Variants in EPRS1 observed in about 807,000 individuals in gnomAD.
EPRS1 encodes glutamyl-prolyl-tRNA synthetase 1, also known as bifunctional glutamate/proline--tRNA ligase.
Under a neutral mutation model 188.3 loss-of-function variants are expected in EPRS1, and 107 were observed. The ratio of observed to expected loss-of-function variants is 0.57; its 90% CI spans 0.49 to 0.67. The LOEUF is 0.67. EPRS1 is among the 30% of genes least tolerant of loss of function. The probability of loss-of-function intolerance (pLI) is 0.00; values close to 1 mark genes in which losing one functional copy is unlikely to be tolerated. For synonymous variants in EPRS1, 596 were observed against 593.1 expected, an observed-to-expected ratio of 1.00 and a Z score of -0.07; for missense variants, 1,577 against 1,802.2, an observed-to-expected ratio of 0.88 and a Z score of 2.26.
chr1:219,997,183 C>T lies in EPRS1; in HGVS notation c.2341G>A (p.Val781Ile). The change falls in exon 18 of 32, where the codon GTA (valine) becomes ATA (isoleucine). Residue 781 changes from valine to isoleucine, a missense_variant. Around this residue, in one of 3 missense-constraint regions of EPRS1, gnomAD observed 1,278 missense variants for 1,457.4 expected, o/e 0.88. Coordinates refer to ENST00000366923, the MANE Select transcript of EPRS1 (RefSeq NM_004446.3). ...KAPKEDVDAA[V>I]KQLLSLKAEY... The stretch of plus-strand genomic sequence containing the variant: ...GCTTTCAAAGACAAAAGCTGTTTTA[C>T]AGCTGCATCTACATCTTCCTTTGGT... 3 of 1,614,042 alleles carry T rather than the reference C, an allele frequency of 1.9e-6. No individual in the cohort carries two copies. Among genetic ancestry groups the T allele is most frequent in the Non-Finnish European group, 2.5e-6 (3 of 1,179,946 alleles).
chr1:220,021,096 T>C (rs1252268710), intron 9 of EPRS1, among the ~76,000 whole-genome samples: 2 of 151,984 alleles, frequency 1.3e-5, no homozygotes, highest in Non-Finnish European at 2.9e-5. Context: ...TTGGCCAGGC[T>C]GGTCTCAAAC....
chr1:219,987,294 A>C lies in EPRS1; in HGVS notation c.2886T>G (p.Asp962Glu). ...PVSATGAEDK[D>E]KKKKEKENKS... ...TATTTTCTTTTTCTTTCTTCTTCTT[A>C]TCTTTGTCCTCAGCTCCAGTGGCCG... Residue 962 changes from aspartate (D) to glutamate (E), a missense_variant, in exon 20 of 32, where the codon GAT (aspartate) becomes GAG (glutamate). By Grantham distance (45) the Asp-to-Glu change is conservative (BLOSUM62 2). Coordinates refer to ENST00000366923, the MANE Select transcript of EPRS1 (RefSeq NM_004446.3). 6.2e-7 allele frequency: 1 copy of C among 1,613,702 alleles called. No individual in the cohort carries two copies. Among genetic ancestry groups the C allele is most frequent in the Non-Finnish European group, 8.5e-7 (1 of 1,179,914 alleles).
In EPRS1 at chr1:219,973,320, C is replaced by A; in HGVS notation, c.4162G>T (p.Glu1388Ter). 6.2e-7 allele frequency: 1 copy of A among 1,612,426 alleles called. No homozygotes were observed. Among genetic ancestry groups the A allele is most frequent in the Non-Finnish European group, 8.5e-7 (1 of 1,179,660 alleles). ...QFVAVRRDTG[E>*]KLTVAENEAE... is the part of the protein sequence containing the mutation. ...TCATTTTCAGCAACTGTCAGCTTTT[C>A]TCCAGTATCTCGTCTGACGGCTACA... The change falls in exon 29 of 32, where the codon GAA becomes TAA. Residue 1388 changes from glutamate (E) to a stop codon, truncating the protein, a stop_gained. Coordinates refer to ENST00000366923, the MANE Select transcript of EPRS1 (RefSeq NM_004446.3). LOFTEE classifies it high-confidence loss of function.
At chr1:220,040,794 G>A (rs937772056) in intron 1 of EPRS1, among the ~76,000 whole-genome samples, 4 of 151,158 alleles carry the variant, frequency 2.6e-5, no homozygotes, top group Admixed American at 2.6e-4. Context: ...AGGTTGTGGT[G>A]AGCCGAGATT....
chr1:220,000,542 AT>A (rs1344902931), intron 17 of EPRS1, among the ~76,000 whole-genome samples: 1 of 152,082 alleles, frequency 6.6e-6, no homozygotes, highest in Non-Finnish European at 1.5e-5. Flanking sequence ...ATTTTGGAAA[AT>A]TTTTTTTAAT....
Position 220,001,170 on chromosome 1 carries a change from C to G in EPRS1, c.2149G>C (p.Glu717Gln), listed in dbSNP as rs757548176. 1.9e-6 allele frequency: 3 copies of G among 1,613,586 alleles called. No homozygotes were observed. In the Admixed American group the frequency reaches 5.0e-5, roughly 27 times the overall value. The change falls in exon 17 of 32, where the codon GAA becomes CAA. Residue 717 changes from glutamate (E) to glutamine (Q), a missense_variant. By Grantham distance (29) the Glu-to-Gln change is conservative (BLOSUM62 2). Coordinates refer to ENST00000366923, the MANE Select transcript of EPRS1 (RefSeq NM_004446.3). ...TTTGTGGCTTCTACTTTGGTCTTTT[C>G]CTTTGACCCTGATGTTGGCATTTCC... Reference protein sequence around the residue: ...TKEMPTSGSKEKTKVEATKNE... With the variant: ...TKEMPTSGSKQKTKVEATKNE...
intron 30 of EPRS1, 65 bp downstream of exon 30, chr1:219,972,003 CA>C (rs1660677165): frequency 1.5e-5 from 15 of 983,510 alleles, no homozygotes; most frequent in Non-Finnish European, 2.3e-5. Flanking sequence ...TGCATAAATT[CA>C]ATGAGCCTTA....
chr1:220,033,069 T>G (rs1283832784), intron 4 of EPRS1, among the ~76,000 whole-genome samples: 3 of 152,070 alleles, frequency 2.0e-5, no homozygotes, highest in Non-Finnish European at 4.4e-5. Flanking sequence ...GGAAGTGACC[T>G]CCAAGAAAAA....
intron 15 of EPRS1, 120 bp from the exon 16 acceptor site, chr1:220,005,480 G>A: frequency 1.9e-6 from 1 of 531,792 alleles, no homozygotes; most frequent in South Asian, 2.9e-5. Context: ...ATGTTAAAAA[G>A]TTCACTACTT....
intron 20 of EPRS1, among the ~76,000 whole-genome samples, chr1:219,984,854 C>A (rs2102566342): frequency 6.6e-6 from 1 of 152,180 alleles, no homozygotes; most frequent in Admixed American, 6.5e-5. Context: ...ACCAGCCTGA[C>A]CAACATGGAG....
intron 20 of EPRS1, among the ~76,000 whole-genome samples, chr1:219,986,783 A>ATGTGTGTGTGTGTG (rs55845197): frequency 3.3e-5 from 5 of 150,156 alleles, no homozygotes; most frequent in African/African-American, 4.9e-5. Context: ...GAAAATATGT[A>ATGTGTGTGTGTGTG]TGTGTGTGTG....
At chr1:220,001,579 C>T (rs779258772) in intron 16 of EPRS1, among the ~76,000 whole-genome samples, 1 of 152,062 alleles carries the variant, frequency 6.6e-6, no homozygotes, top group East Asian at 1.9e-4. Context: ...TCAAGTGATC[C>T]GGCCACCTCA....
rs768453503 is a variant in EPRS1 at position 219,978,725 on chromosome 1, A to G, written c.3910-6T>C. The G allele has an allele frequency of 5.8e-5, 93 of 1,605,732 alleles. No homozygotes were observed. The highest frequency in any genetic ancestry group is 7.8e-5 in the Non-Finnish European group (92 of 1,175,640). ...CCACAAGGAATAATCACCACCTAGA[A>G]TCAGCACAATGTCCCAAATGTATGC... On this transcript the variant is annotated splice_region_variant and splice_polypyrimidine_tract_variant and intron_variant, in intron 27 of 31. Coordinates refer to ENST00000366923, the MANE Select transcript of EPRS1 (RefSeq NM_004446.3).
chr1:220,009,689 T>TA (rs1412545927), intron 13 of EPRS1, among the ~76,000 whole-genome samples: 26 of 147,478 alleles, frequency 1.8e-4, no homozygotes, highest in African/African-American at 5.5e-4. Flanking sequence ...ATTTCAAAAT[T>TA]AAGAAAAAAA....
Position 219,978,819 on chromosome 1 carries a change from G to A in EPRS1, c.3910-100C>T, listed in dbSNP as rs182693708. ...CTACCAGTGGCTATATTATTAACAC[G>A]AATCAGCTGTGTGATTTCTAATCTT... On this transcript the variant is annotated intron_variant, in intron 27 of 31. Coordinates refer to ENST00000366923, the MANE Select transcript of EPRS1 (RefSeq NM_004446.3). The A allele has an allele frequency of 9.0e-4, 720 of 798,270 alleles. 12 individuals carry two copies. In the East Asian group the frequency reaches 0.014, roughly 16 times the overall value. The allele number at this position is 798,270 out of a possible 1,614,324, so 49.4% of individuals were successfully genotyped here.
rs199712671 is a variant in EPRS1 at position 219,980,763 on chromosome 1, G to T, written c.3548C>A (p.Ala1183Glu). 1 of 1,605,566 alleles carries T rather than the reference G, an allele frequency of 6.2e-7. No homozygotes were observed. The highest frequency in any genetic ancestry group is 8.5e-7 in the Non-Finnish European group (1 of 1,173,172). The change falls in exon 25 of 32, where the codon GCG (alanine) becomes GAG (glutamate). Residue 1183 changes from alanine (A) to glutamate (E), a missense_variant. This residue lies in a region of EPRS1 where 1,278 missense variants were observed against 1,457.4 expected (regional missense o/e 0.88). Transcript: ENST00000366923. ...HSAFATMEEA[A>E]EEVLQILDLY... The stretch of plus-strand genomic sequence containing the variant: ...GAAAATAACTTTTTATACCTCTTCC[G>T]CTGCCTCTTCCATGGTAGCAAAAGC...
chr1:219,998,025 TAAAG>T (rs1388753051), intron 17 of EPRS1, among the ~76,000 whole-genome samples: 1 of 152,184 alleles, frequency 6.6e-6, no homozygotes, highest in Non-Finnish European at 1.5e-5. Flanking sequence ...GAAGAGTGAA[TAAAG>T]ATACTATTTT....
At chr1:220,028,853 A>G (rs1025197784) in intron 6 of EPRS1, among the ~76,000 whole-genome samples, 3 of 152,186 alleles carry the variant, frequency 2.0e-5, no homozygotes, top group Non-Finnish European at 4.4e-5. Flanking sequence ...TAATTAAAGA[A>G]AAACTCTTTA....
At position 220,022,298 on chromosome 1, in the gene EPRS1, A is replaced by G. The variant is rs368337231; in HGVS notation, c.1115+49T>C. 106 of 1,520,640 alleles carry G rather than the reference A, an allele frequency of 7.0e-5. No individual in the cohort carries two copies. In the African/African-American group the frequency reaches 1.3e-3, roughly 19 times the overall value. 94.2% of individuals were successfully genotyped at this position (1,520,640 alleles called of 1,614,324 possible). A position where few individuals can be genotyped will look rare whatever the true frequency, so the allele number is the denominator to read the frequency against. On this transcript the variant is annotated intron_variant, in intron 9 of 31. Coordinates refer to ENST00000366923, the MANE Select transcript of EPRS1 (RefSeq NM_004446.3). ...TGTACTCCATGTTTAAAGAAGATCA[A>G]AACAAAAGCACAGATGGCTACCTAG...
Sources: allele counts gnomAD v4.1 joint callset (sites outside exome capture counted in the v4.1 genomes callset), GRCh38; gene constraint gnomAD v4.1.1; regional missense constraint gnomAD v4.1.1; transcripts MANE v1.5; gene names NCBI Gene and HGNC (gene_info 2026-07-23, HGNC 2026-07-21).